Variants in DOCK10 observed in about 807,000 individuals in gnomAD.
The protein encoded by DOCK10 is dedicator of cytokinesis 10.
DOCK10 carries 145 observed loss-of-function variants against 280.1 expected under a neutral mutation model. That is an observed-to-expected ratio of 0.52 (90% CI 0.45 to 0.59). DOCK10 has a LOEUF of 0.59. Ranked by LOEUF, DOCK10 falls within the 20% of genes least tolerant of loss-of-function variation. The pLI is 0.00. For synonymous variants in DOCK10, 915 were observed against 942.2 expected, an observed-to-expected ratio of 0.97 and a Z score of 0.53; for missense variants, 2,368 against 2,651.7, an observed-to-expected ratio of 0.89 and a Z score of 2.35.
intron 2 of DOCK10, among the ~76,000 whole-genome samples, chr2:224,920,188 C>T (rs940424640): frequency 6.6e-6 from 1 of 151,884 alleles, no homozygotes; most frequent in Non-Finnish European, 1.5e-5. Context: ...TCAGCCTCCC[C>T]AGTAGTTGAG....
intron 1 of DOCK10, among the ~76,000 whole-genome samples, chr2:224,985,210 T>C (rs1321724889): frequency 6.6e-6 from 1 of 152,164 alleles, no homozygotes; most frequent in African/African-American, 2.4e-5. Context: ...TCTTATCTTA[T>C]GATTCAATAA....
chr2:224,929,260 G>T (rs546351481), intron 2 of DOCK10, among the ~76,000 whole-genome samples: 12 of 152,274 alleles, frequency 7.9e-5, no homozygotes, highest in African/African-American at 2.9e-4. Flanking sequence ...CCCACCAAAA[G>T]GTAAGCTCCC....
chr2:224,793,553 T>C lies in DOCK10; in HGVS notation c.5155-96A>G, dbSNP rs965729139. On this transcript the variant is annotated intron_variant, in intron 45 of 55. Transcript: ENST00000258390. The stretch of plus-strand genomic sequence containing the variant: ...CGAGTCAGTATTCCATATCAGAATA[T>C]GTTAGAAGGATCCTTTGTAATCACC... 57 of 909,484 alleles carry C rather than the reference T, an allele frequency of 6.3e-5. No individual in the cohort carries two copies. In the Admixed American group the frequency reaches 1.3e-3, roughly 21 times the overall value. 56.3% of individuals were successfully genotyped at this position (909,484 alleles called of 1,614,324 possible).
intron 1 of DOCK10, among the ~76,000 whole-genome samples, chr2:224,961,412 C>CTCTCTCTTTCTTTCTT (rs1553623605): frequency 1.7e-5 from 2 of 119,382 alleles, no homozygotes; most frequent in African/African-American, 6.7e-5. Flanking sequence ...TTCTTTCTTT[C>CTCTCTCTTTCTTTCTT]TCTTTCTTTC....
chr2:224,874,255 T>A lies in DOCK10; in HGVS notation c.1101+11A>T, dbSNP rs1559624252. On this transcript the variant is annotated intron_variant, in intron 10 of 55. Coordinates refer to ENST00000258390, the MANE Select transcript of DOCK10 (RefSeq NM_014689.3). ...CAAGTTCATATCTGCTTAGAAAAAATTTTGACTTACATCTATGTCTGGATC... is the reference window on the plus strand; with the variant it reads ...CAAGTTCATATCTGCTTAGAAAAAAATTTGACTTACATCTATGTCTGGATC... 1.2e-6 allele frequency: 2 copies of A among 1,610,876 alleles called. No homozygotes were observed. The highest frequency in any genetic ancestry group is 2.2e-5 in the South Asian group (2 of 90,242).
At position 224,814,352 on chromosome 2, in the gene DOCK10, G is replaced by T; in HGVS notation, c.3377C>A (p.Pro1126His). 6.5e-7 allele frequency: 1 copy of T among 1,529,468 alleles called. No individual in the cohort carries two copies. Among genetic ancestry groups the T allele is most frequent in the Non-Finnish European group, 8.8e-7 (1 of 1,137,480 alleles). The allele number at this position is 1,529,468 out of a possible 1,614,324, so 94.7% of individuals were successfully genotyped here. A position where few individuals can be genotyped will look rare whatever the true frequency, so the allele number is the denominator to read the frequency against. The change falls in exon 31 of 56, where the codon CCT becomes CAT. Residue 1126 changes from proline to histidine, a missense_variant. This residue lies in a region of DOCK10 where 1,159 missense variants were observed against 1,400.8 expected (regional missense o/e 0.83). Coordinates refer to ENST00000258390, the MANE Select transcript of DOCK10 (RefSeq NM_014689.3). ...ATGTAACTCTTGAGTCGATTCTGAA[G>T]GTGTCAAAGGATCTGAATTTAATAT... ...RSANIPDPLT[P>H]SESTQELHAS...
intron 28 of DOCK10, among the ~76,000 whole-genome samples, chr2:224,822,077 C>A (rs1428266620): frequency 6.6e-6 from 1 of 152,138 alleles, no homozygotes; most frequent in African/African-American, 2.4e-5. Flanking sequence ...AGGCTTTTAA[C>A]TGTATATTAT....
At chr2:224,900,286 A>C (rs948850098) in intron 3 of DOCK10, among the ~76,000 whole-genome samples, 2 of 152,084 alleles carry the variant, frequency 1.3e-5, no homozygotes, top group African/African-American at 4.8e-5. Context: ...GTAAAAAAAA[A>C]AACACAAAAC....
At chr2:224,884,817 CAT>C (rs1699181804) in intron 7 of DOCK10, among the ~76,000 whole-genome samples, 1 of 152,180 alleles carries the variant, frequency 6.6e-6, no homozygotes, top group African/African-American at 2.4e-5. Flanking sequence ...TATAAAATAA[CAT>C]ATTTGAAGTG....
intron 2 of DOCK10, among the ~76,000 whole-genome samples, chr2:224,928,216 A>C (rs1702140969): frequency 1.3e-5 from 2 of 152,118 alleles, no homozygotes; most frequent in South Asian, 2.1e-4. Context: ...AAAAACCAAA[A>C]ATGCATGCAG....
intron 2 of DOCK10, among the ~76,000 whole-genome samples, 178 bp from the exon 3 acceptor site, chr2:224,916,962 A>G (rs1401263792): frequency 6.6e-6 from 1 of 152,138 alleles, no homozygotes; most frequent in Non-Finnish European, 1.5e-5. Context: ...GTGGACATTT[A>G]TTTGATTACC....
chr2:225,005,083 C>A (rs1706531726), intron 1 of DOCK10, among the ~76,000 whole-genome samples: 1 of 152,188 alleles, frequency 6.6e-6, no homozygotes, highest in African/African-American at 2.4e-5. Context: ...TGAAAGTTAA[C>A]TGAGAAATGA....
intron 50 of DOCK10, among the ~76,000 whole-genome samples, chr2:224,782,033 G>A (rs562326876): frequency 9.9e-5 from 15 of 152,248 alleles, no homozygotes; most frequent in African/African-American, 3.4e-4. Context: ...TAGGCTAAAT[G>A]CTAAGAGAAG....
chr2:224,942,483 C>G (rs16866385), intron 1 of DOCK10, among the ~76,000 whole-genome samples: 6,206 of 152,260 alleles, frequency 0.041, 384 homozygotes, highest in African/African-American at 0.14. Context: ...AATCCTGGCT[C>G]CTGGAACCCC....
intron 1 of DOCK10, among the ~76,000 whole-genome samples, chr2:224,989,051 A>G (rs1199305177): frequency 6.6e-6 from 1 of 152,194 alleles, no homozygotes; most frequent in Non-Finnish European, 1.5e-5. Context: ...GTGAGTGTGG[A>G]CTTGGTTGCC....
At chr2:224,953,087 T>A (rs1703855523) in intron 1 of DOCK10, among the ~76,000 whole-genome samples, 1 of 152,172 alleles carries the variant, frequency 6.6e-6, no homozygotes, top group African/African-American at 2.4e-5. Flanking sequence ...AACATAGTGC[T>A]TAAGATTTAG....
chr2:224,780,315 G>A (rs1328102133), intron 50 of DOCK10, among the ~76,000 whole-genome samples: 2 of 152,076 alleles, frequency 1.3e-5, no homozygotes, highest in African/African-American at 2.4e-5. Flanking sequence ...TGTCTTTGTG[G>A]AGTTTTGTCT....
intron 4 of DOCK10, among the ~76,000 whole-genome samples, chr2:224,895,930 A>G (rs1699962738): frequency 6.6e-6 from 1 of 151,982 alleles, no homozygotes; most frequent in African/African-American, 2.4e-5. Flanking sequence ...TGAAACAAGT[A>G]ACAAATATGA....
At chr2:224,776,317 A>C (rs554849031) in intron 51 of DOCK10, among the ~76,000 whole-genome samples, 2 of 152,296 alleles carry the variant, frequency 1.3e-5, no homozygotes, top group Non-Finnish European at 2.9e-5. Context: ...ATTTTACATC[A>C]AAAATAGAGG....
Sources: gnomAD v4.1 joint callset for allele counts (sites outside exome capture counted in the v4.1 genomes callset) on GRCh38, gnomAD v4.1.1 for gene constraint, gnomAD v4.1.1 regional missense constraint, MANE v1.5 for transcripts, NCBI Gene and HGNC (gene_info 2026-07-23, HGNC 2026-07-21) for gene names.